The following DORIP1 variants were observed in gnomAD, a reference collection of about 807,000 sequenced individuals.
DORIP1 encodes dopamine receptor interacting protein 1, also known as dopamine receptor-interacting protein 1.
the DORIP1 span, chr14:44,903,904 C>T: frequency 3.0e-4 from 298 of 980,806 alleles, no homozygotes; most frequent in Non-Finnish European, 3.5e-4. Context: ...GAATACTGTA[C>T]CCTGAGCATT....
At chr14:44,903,368 T>A in the DORIP1 span, 1 of 1,519,180 alleles carries the variant, frequency 6.6e-7, no homozygotes, top group Non-Finnish European at 9.0e-7. Context: ...GATGTGCTCC[T>A]TGAAGTACTT....
chr14:44,898,918 T>C, the DORIP1 span: 1 of 152,200 alleles, frequency 6.6e-6, no homozygotes, highest in Non-Finnish European at 1.5e-5. Context: ...CACGTAGGAC[T>C]GCAGCTTTAT....
the DORIP1 span, chr14:44,901,063 AC>A: frequency 1.8e-6 from 2 of 1,114,810 alleles, no homozygotes; most frequent in African/African-American, 1.6e-5. Context: ...TCAACAAAGG[AC>A]CACATATGCC....
the DORIP1 span, chr14:44,906,414 G>C: frequency 6.6e-6 from 1 of 152,048 alleles, no homozygotes. Flanking sequence ...GGGGAAATGC[G>C]TGCCTGGAAA....
At chr14:44,904,254 C>T in the DORIP1 span, 1 of 1,391,712 alleles carries the variant, frequency 7.2e-7, no homozygotes. Context: ...TAGTAATTAC[C>T]CTATAACTAT....
chr14:44,901,199 C>T, the DORIP1 span, among the ~76,000 whole-genome samples: 1 of 152,130 alleles, frequency 6.6e-6, no homozygotes, highest in African/African-American at 2.4e-5. Flanking sequence ...GATTTGTAGC[C>T]TAGGAGCAAT....
chr14:44,904,074 T>G, the DORIP1 span: 1 of 985,242 alleles, frequency 1.0e-6, no homozygotes, highest in African/African-American at 1.7e-5. Flanking sequence ...CTGCCATTAT[T>G]TGAAACCAGC....
the DORIP1 span, chr14:44,899,462 G>C: frequency 6.6e-6 from 1 of 152,116 alleles, no homozygotes; most frequent in African/African-American, 2.4e-5. Context: ...AAAGTGATTA[G>C]CAATATTAGC....
the DORIP1 span, chr14:44,901,051 G>T: frequency 7.8e-7 from 1 of 1,276,070 alleles, no homozygotes; most frequent in South Asian, 1.5e-5. Context: ...ATGACATTTG[G>T]GTCAACAAAG....
chr14:44,899,872 C>T, the DORIP1 span, among the ~76,000 whole-genome samples: 1 of 130,330 alleles, frequency 7.7e-6, no homozygotes, highest in African/African-American at 3.0e-5. Flanking sequence ...TCACTCGTTG[C>T]CCAGGCTGGA....
chr14:44,905,618 T>G, the DORIP1 span: 12 of 1,139,206 alleles, frequency 1.1e-5, no homozygotes, highest in African/African-American at 1.1e-4. Flanking sequence ...GCTTTTATTT[T>G]GTGTATACTT....
chr14:44,904,529 A>G, the DORIP1 span: 1 of 1,575,158 alleles, frequency 6.3e-7, no homozygotes, highest in Non-Finnish European at 8.6e-7. Context: ...TCTGATCACA[A>G]GTAGGTGTTT....
At chr14:44,899,957 G>A in the DORIP1 span, among the ~76,000 whole-genome samples, 9 of 149,212 alleles carry the variant, frequency 6.0e-5, no homozygotes, top group South Asian at 1.3e-3. Context: ...TCAGCCTCCC[G>A]AGTAGCTGGG....
At chr14:44,902,447 C>A in the DORIP1 span, among the ~76,000 whole-genome samples, 1 of 152,106 alleles carries the variant, frequency 6.6e-6, no homozygotes, top group African/African-American at 2.4e-5. Flanking sequence ...CCTGTCTCAG[C>A]ACCCCCAAGT....
At chr14:44,898,679 G>A in the DORIP1 span, among the ~76,000 whole-genome samples, 1 of 152,140 alleles carries the variant, frequency 6.6e-6, no homozygotes, top group Non-Finnish European at 1.5e-5. Context: ...CTAGGCTGCA[G>A]ATTTGCCACA....
the DORIP1 span, chr14:44,904,423 C>T: frequency 8.1e-6 from 13 of 1,610,114 alleles, no homozygotes; most frequent in East Asian, 1.8e-4. Context: ...ATTTTCCCAA[C>T]GAATTTTCTG....
At chr14:44,907,098 T>C in the DORIP1 span, 1 of 152,654 alleles carries the variant, frequency 6.6e-6, no homozygotes, top group Non-Finnish European at 1.5e-5. Context: ...AATGCAGATT[T>C]ATTCTTTCAG....
chr14:44,903,166 AT>A, the DORIP1 span: 3 of 1,379,598 alleles, frequency 2.2e-6, no homozygotes, highest in South Asian at 3.5e-5. Context: ...AAGATATAAA[AT>A]GTTGAAGCAG....
chr14:44,900,668 G>A, the DORIP1 span: 1 of 1,611,636 alleles, frequency 6.2e-7, no homozygotes, highest in East Asian at 2.2e-5. Flanking sequence ...AACTTCCCTA[G>A]GGAACTCTCT....
Sources: allele counts gnomAD v4.1 joint callset (sites outside exome capture counted in the v4.1 genomes callset), GRCh38; gene constraint gnomAD v4.1.1; transcripts MANE v1.5; gene names NCBI Gene and HGNC (gene_info 2026-07-23, HGNC 2026-07-21).